The following ASIC2 variants were observed in gnomAD, a reference collection of about 807,000 sequenced individuals.
ASIC2 encodes the protein acid-sensing ion channel 2.
Under a neutral mutation model 57.3 loss-of-function variants are expected in ASIC2, and 25 were observed. That is an observed-to-expected ratio of 0.44 (90% confidence interval 0.32 to 0.61). The LOEUF (loss-of-function observed/expected upper bound fraction) is 0.61. ASIC2 is among the 20% of genes least tolerant of loss of function. The pLI, the probability that ASIC2 is intolerant of heterozygous loss-of-function variation, is 0.06. For synonymous variants in ASIC2, 319 were observed against 307.5 expected (o/e 1.04, Z -0.39); for missense variants, 641 against 738.1 (o/e 0.87, Z 1.52).
At chr17:33,584,288 A>G (rs1361451710) in intron 1 of ASIC2, among the ~76,000 whole-genome samples, 2 of 152,118 alleles carry the variant, frequency 1.3e-5, no homozygotes, top group Admixed American at 6.5e-5. Flanking sequence ...CAATGATTAC[A>G]GTTAGTATGG....
At chr17:33,279,987 C>T (rs1035260902) in intron 1 of ASIC2, among the ~76,000 whole-genome samples, 1 of 152,178 alleles carries the variant, frequency 6.6e-6, no homozygotes, top group African/African-American at 2.4e-5. Context: ...CCCATTCCAC[C>T]TAAGTTGCCA....
intron 1 of ASIC2, among the ~76,000 whole-genome samples, chr17:33,579,213 G>A (rs941012478): frequency 6.6e-6 from 1 of 151,056 alleles, no homozygotes; most frequent in African/African-American, 2.4e-5. Context: ...TTGAACCCGG[G>A]AGGCAGAGGT....
chr17:33,180,061 C>G (rs1905916912), intron 1 of ASIC2, among the ~76,000 whole-genome samples: 1 of 152,178 alleles, frequency 6.6e-6, no homozygotes, highest in East Asian at 1.9e-4. Context: ...TTTAAGAAAC[C>G]TAACCTCCCC....
intron 1 of ASIC2, among the ~76,000 whole-genome samples, chr17:34,076,039 G>T (rs1388919709): frequency 2.0e-5 from 3 of 150,906 alleles, no homozygotes; most frequent in Admixed American, 6.6e-5. Context: ...GTCTCACTTT[G>T]TTGCCCAGGC....
chr17:34,084,400 C>G (rs1185839884), intron 1 of ASIC2, among the ~76,000 whole-genome samples: 2 of 152,250 alleles, frequency 1.3e-5, no homozygotes, highest in Non-Finnish European at 2.9e-5. Context: ...TTCCATTGAT[C>G]TATATCTCTG....
intron 1 of ASIC2, among the ~76,000 whole-genome samples, chr17:33,800,319 A>G (rs1029840877): frequency 2.0e-5 from 3 of 152,104 alleles, no homozygotes; most frequent in African/African-American, 4.8e-5. Flanking sequence ...TGCTCATACA[A>G]TATCAGTCAC....
intron 1 of ASIC2, among the ~76,000 whole-genome samples, chr17:33,763,649 G>A (rs1910850801): frequency 6.6e-6 from 1 of 152,178 alleles, no homozygotes; most frequent in African/African-American, 2.4e-5. Context: ...AGAAGTTTTA[G>A]GAGCCACTGC....
intron 1 of ASIC2, among the ~76,000 whole-genome samples, chr17:34,109,165 G>A (rs192809954): frequency 1.6e-4 from 25 of 151,810 alleles, no homozygotes; most frequent in African/African-American, 4.6e-4. Context: ...AGTTAGTTGC[G>A]TCTTTTCTTA....
At chr17:33,799,002 T>C (rs1324344194) in intron 1 of ASIC2, among the ~76,000 whole-genome samples, 1 of 152,216 alleles carries the variant, frequency 6.6e-6, no homozygotes, top group Non-Finnish European at 1.5e-5. Context: ...TCCCTGGAGC[T>C]GCATCCTTTC....
At chr17:33,616,771 G>A (rs1434595327) in intron 1 of ASIC2, among the ~76,000 whole-genome samples, 2 of 152,242 alleles carry the variant, frequency 1.3e-5, no homozygotes, top group Non-Finnish European at 2.9e-5. Flanking sequence ...TGAGATTTCT[G>A]AGATAGAAGA....
At chr17:33,700,771 G>A (rs770793735) in intron 1 of ASIC2, among the ~76,000 whole-genome samples, 3 of 152,182 alleles carry the variant, frequency 2.0e-5, no homozygotes, top group Admixed American at 6.5e-5. Flanking sequence ...CAGACACAGC[G>A]CTTTGCAGGC....
chr17:33,782,573 CA>C (rs1034632313), intron 1 of ASIC2, among the ~76,000 whole-genome samples: 1 of 151,980 alleles, frequency 6.6e-6, no homozygotes, highest in Non-Finnish European at 1.5e-5. Flanking sequence ...CTAAAAAACA[CA>C]AAAAATTAGC....
chr17:33,431,548 T>TGAGC (rs1283305098), intron 1 of ASIC2, among the ~76,000 whole-genome samples: 3 of 152,112 alleles, frequency 2.0e-5, no homozygotes, highest in Non-Finnish European at 4.4e-5. Flanking sequence ...GAGGTCGCCG[T>TGAGC]GAGCTGAGAT....
intron 1 of ASIC2, among the ~76,000 whole-genome samples, chr17:33,726,473 GA>G (rs1467191158): frequency 6.6e-6 from 1 of 152,224 alleles, no homozygotes; most frequent in Admixed American, 6.5e-5. Flanking sequence ...TGCAGTCCAT[GA>G]AGGAGTGGGG....
intron 1 of ASIC2, among the ~76,000 whole-genome samples, chr17:33,562,999 C>T (rs1215218194): frequency 6.6e-6 from 1 of 152,164 alleles, no homozygotes; most frequent in African/African-American, 2.4e-5. Flanking sequence ...GATTCATGGG[C>T]TTAGGCTAGT....
intron 1 of ASIC2, among the ~76,000 whole-genome samples, chr17:34,017,604 T>C (rs1907018645): frequency 1.3e-5 from 2 of 152,218 alleles, no homozygotes; most frequent in Non-Finnish European, 2.9e-5. Flanking sequence ...AAGGAGAAGC[T>C]CTTGAAGGAA....
intron 1 of ASIC2, among the ~76,000 whole-genome samples, chr17:34,100,889 AG>A (rs1345476884): frequency 6.6e-6 from 1 of 152,210 alleles, no homozygotes; most frequent in Non-Finnish European, 1.5e-5. Flanking sequence ...GTGAAATATA[AG>A]GGCTATGGGG....
intron 1 of ASIC2, among the ~76,000 whole-genome samples, chr17:33,299,225 T>C (rs1354041545): frequency 6.6e-6 from 1 of 152,250 alleles, no homozygotes; most frequent in Non-Finnish European, 1.5e-5. Flanking sequence ...AGCATGGTAC[T>C]GGTACCAAAA....
At chr17:33,851,110 A>G (rs1050916551) in intron 1 of ASIC2, among the ~76,000 whole-genome samples, 16 of 152,140 alleles carry the variant, frequency 1.1e-4, no homozygotes, top group Non-Finnish European at 2.2e-4. Flanking sequence ...AGGTAGGGGG[A>G]ACAAAATGAT....
Sources: gnomAD v4.1 joint callset for allele counts (sites outside exome capture counted in the v4.1 genomes callset) on GRCh38, gnomAD v4.1.1 for gene constraint, MANE v1.5 for transcripts, NCBI Gene and HGNC (gene_info 2026-07-23, HGNC 2026-07-21) for gene names.